The following TMPRSS12 variants were observed in gnomAD, a reference collection of about 807,000 sequenced individuals.
TMPRSS12 encodes transmembrane serine protease 12, also known as transmembrane protease serine 12.
Under a neutral mutation model 26.0 loss-of-function variants are expected in TMPRSS12, and 25 were observed. The ratio of observed to expected loss-of-function variants is 0.96; its 90% CI spans 0.70 to 1.34. TMPRSS12 has a LOEUF of 1.34. Ranked by LOEUF, TMPRSS12 falls within the 40% of genes most tolerant of loss-of-function variation. The pLI is 0.00. For missense variants in TMPRSS12, 441 were observed against 440.1 expected (o/e 1.00, Z -0.02); for synonymous variants, 150 against 161.7 (o/e 0.93, Z 0.55).
At chr12:50,877,800 G>A (rs1390333167) in intron 3 of TMPRSS12, among the ~76,000 whole-genome samples, 1 of 152,088 alleles carries the variant, frequency 6.6e-6, no homozygotes, top group Non-Finnish European at 1.5e-5. Context: ...AGTAGAGACG[G>A]GGTTTCACTA....
intron 3 of TMPRSS12, among the ~76,000 whole-genome samples, chr12:50,862,493 C>G (rs983940985): frequency 4.6e-5 from 7 of 151,872 alleles, no homozygotes; most frequent in African/African-American, 1.7e-4. Flanking sequence ...CATGGCTATA[C>G]TTTAAAAATG....
chr12:50,847,938 A>AGAT (rs1937787729), intron 2 of TMPRSS12: 1 of 151,916 alleles, frequency 6.6e-6, no homozygotes, highest in Non-Finnish European at 1.5e-5. Context: ...TTCTTCAACT[A>AGAT]GATCAGCGTG....
Position 50,859,037 on chromosome 12 carries a change from A to T in TMPRSS12, c.636A>T (p.Gly212=). Residue 212 remains glycine (G), a synonymous_variant, in exon 3 of 5, where the codon GGA becomes GGT. Coordinates refer to ENST00000398458, the MANE Select transcript of TMPRSS12 (RefSeq NM_182559.3). ...CAAAGTGTTTTATAAGTGGCTGGGG[A>T]AGAACAAAAGAAGAAGGTAATTATG... ...GNTKCFISGW[G]RTKEEGNATN... The T allele has an allele frequency of 6.3e-7, 1 of 1,585,820 alleles. No individual in the cohort carries two copies. Among genetic ancestry groups the T allele is most frequent in the Non-Finnish European group, 8.6e-7 (1 of 1,169,480 alleles).
chr12:50,843,890 T>C lies in TMPRSS12; in HGVS notation c.236T>C (p.Ile79Thr). 1.9e-6 allele frequency: 3 copies of C among 1,570,442 alleles called. No individual in the cohort carries two copies. Among genetic ancestry groups the C allele is most frequent in the Middle Eastern group, 1.8e-4 (1 of 5,642 alleles). ...LKDVLQGSRI[I>T]GGTEAQAGAW... Reference sequence around the variant, plus strand: ...GATGTGTTGCAAGGGTCTCGGATTATAGGGGGCACCGAAGCACAAGCTGGC... The same window carrying C: ...GATGTGTTGCAAGGGTCTCGGATTACAGGGGGCACCGAAGCACAAGCTGGC... Residue 79 changes from isoleucine to threonine, a missense_variant, in exon 2 of 5, where the codon ATA becomes ACA. By Grantham distance (89) the Ile-to-Thr change is moderately conservative (BLOSUM62 -1). Transcript: ENST00000398458.
chr12:50,879,463 A>G (rs1022816659), intron 3 of TMPRSS12, among the ~76,000 whole-genome samples: 3 of 152,382 alleles, frequency 2.0e-5, no homozygotes, highest in African/African-American at 7.2e-5. Flanking sequence ...TGCTAATTTG[A>G]CATATTATTA....
intron 2 of TMPRSS12, among the ~76,000 whole-genome samples, chr12:50,856,832 T>C (rs938780407): frequency 6.8e-6 from 1 of 147,010 alleles, no homozygotes; most frequent in Non-Finnish European, 1.5e-5. Flanking sequence ...ACTACAGGCA[T>C]GTGCCACGAC....
intron 3 of TMPRSS12, among the ~76,000 whole-genome samples, chr12:50,868,560 A>G (rs1039923240): frequency 1.3e-5 from 2 of 152,208 alleles, no homozygotes; most frequent in South Asian, 2.1e-4. Flanking sequence ...GTGGACCTCA[A>G]TACTCTACTG....
At chr12:50,858,726 A>G (rs1270129625) in intron 2 of TMPRSS12, 59 bp from the exon 3 acceptor site, 13 of 1,281,828 alleles carry the variant, frequency 1.0e-5, no homozygotes, top group Non-Finnish European at 1.3e-5. Flanking sequence ...GTGGGAGATT[A>G]AGAATATGTA....
rs755706329 is a variant in TMPRSS12 at position 50,887,293 on chromosome 12, T to G, written c.827T>G (p.Leu276Ter). 6.2e-7 allele frequency: 1 copy of G among 1,613,792 alleles called. No homozygotes were observed. The highest frequency in any genetic ancestry group is 1.1e-5 in the South Asian group (1 of 91,076). The change falls in exon 5 of 5, where the codon TTA (leucine) becomes TGA (stop). Residue 276 changes from leucine (L) to a stop codon, truncating the protein, a stop_gained. Coordinates refer to ENST00000398458, the MANE Select transcript of TMPRSS12 (RefSeq NM_182559.3). LOFTEE classifies it low-confidence loss of function (END_TRUNC). ...GDSGGPLMCY[L>*]PEYKRFFVMG... ...AGTGGGGGACCATTAATGTGCTACT[T>G]ACCAGAATATAAAAGATTTTTTGTA...
At position 50,887,447 on chromosome 12, in the gene TMPRSS12, T is replaced by C. The variant is rs746106278; in HGVS notation, c.981T>C (p.Thr327=). The C allele has an allele frequency of 3.7e-6, 6 of 1,613,850 alleles. No individual in the cohort carries two copies. In the African/African-American group the frequency reaches 5.3e-5, roughly 14 times the overall value. Reference sequence around the variant, plus strand: ...ATGCAAGCACTCAAGGCATACTTACTATAAATATTTTACGTGGCCAGATCC... The same window carrying C: ...ATGCAAGCACTCAAGGCATACTTACCATAAATATTTTACGTGGCCAGATCC... ...FFHASTQGIL[T]INILRGQILI... The change falls in exon 5 of 5, where the codon ACT becomes ACC. Residue 327 remains threonine (T), a synonymous_variant. Coordinates refer to ENST00000398458, the MANE Select transcript of TMPRSS12 (RefSeq NM_182559.3).
In TMPRSS12 at chr12:50,854,460, G is replaced by A. The variant is rs374887182; in HGVS notation, c.384-4325G>A. Reference sequence around the variant, plus strand: ...CATAGTACTGGAAGTCCTAACCAGAGCAACCAGGCAAGAGAGAGAAATAAA... The same window carrying A: ...CATAGTACTGGAAGTCCTAACCAGAACAACCAGGCAAGAGAGAGAAATAAA... On this transcript the variant is annotated intron_variant, in intron 2 of 4. Coordinates refer to ENST00000398458, the MANE Select transcript of TMPRSS12 (RefSeq NM_182559.3). Among the ~76,000 whole-genome samples, 7 of 152,122 alleles carry A rather than the reference G, an allele frequency of 4.6e-5. No individual in the cohort carries two copies. In the East Asian group the frequency reaches 7.7e-4, roughly 17 times the overall value.
intron 3 of TMPRSS12, among the ~76,000 whole-genome samples, chr12:50,867,269 A>G (rs547076682): frequency 6.6e-6 from 1 of 152,368 alleles, no homozygotes; most frequent in South Asian, 2.1e-4. Context: ...ATTCAAGGAA[A>G]TAGATAGCAT....
intron 4 of TMPRSS12, chr12:50,885,725 T>C: frequency 1.9e-6 from 1 of 524,294 alleles, no homozygotes; most frequent in South Asian, 2.9e-5. Flanking sequence ...ACACAATCTC[T>C]GTTCACTGCA....
intron 3 of TMPRSS12, among the ~76,000 whole-genome samples, chr12:50,883,999 C>T (rs1485576854): frequency 6.6e-6 from 1 of 152,090 alleles, no homozygotes; most frequent in East Asian, 1.9e-4. Context: ...AAGACCCTGT[C>T]TCAAAAATAA....
intron 2 of TMPRSS12, among the ~76,000 whole-genome samples, chr12:50,851,976 A>G (rs1472594045): frequency 6.6e-6 from 1 of 152,222 alleles, no homozygotes; most frequent in Non-Finnish European, 1.5e-5. Flanking sequence ...GAGAAATAAT[A>G]TCCTTTTCAG....
In TMPRSS12 at chr12:50,860,634, TG is replaced by T. The variant is rs141157785; in HGVS notation, c.652+1583del. ...GTATGTTTTGGTTTTTTAAGAGACATGGTCTTGCTGTGTCACTCAAGCTGGA... is the reference window on the plus strand; with the variant it reads ...GTATGTTTTGGTTTTTTAAGAGACATGTCTTGCTGTGTCACTCAAGCTGGA... On this transcript the variant is annotated intron_variant, in intron 3 of 4. Coordinates refer to ENST00000398458, the MANE Select transcript of TMPRSS12 (RefSeq NM_182559.3). Among the ~76,000 whole-genome samples, 790 of 151,942 alleles carry T rather than the reference TG, an allele frequency of 5.2e-3. 3 individuals are homozygous for T. The highest frequency in any genetic ancestry group is 0.018 in the African/African-American group (761 of 41,438).
chr12:50,877,294 AC>A (rs1381500649), intron 3 of TMPRSS12, among the ~76,000 whole-genome samples: 1 of 152,248 alleles, frequency 6.6e-6, no homozygotes, highest in Non-Finnish European at 1.5e-5. Flanking sequence ...GAATAAGCTA[AC>A]CATCCTACCT....
chr12:50,843,276 T>C, intron 1 of TMPRSS12, 125 bp downstream of exon 1: 1 of 952,982 alleles, frequency 1.0e-6, no homozygotes, highest in Non-Finnish European at 1.5e-6. Flanking sequence ...TTTACATACC[T>C]AAGCAGTTTC....
At chr12:50,866,084 G>A (rs1029936799) in intron 3 of TMPRSS12, among the ~76,000 whole-genome samples, 7 of 152,300 alleles carry the variant, frequency 4.6e-5, no homozygotes, top group African/African-American at 1.2e-4. Context: ...ACAGAGCAGC[G>A]TGTGGAGGCT....
Sources: gnomAD v4.1 joint callset for allele counts (sites outside exome capture counted in the v4.1 genomes callset) on GRCh38, gnomAD v4.1.1 for gene constraint, MANE v1.5 for transcripts, NCBI Gene and HGNC (gene_info 2026-07-23, HGNC 2026-07-21) for gene names.